Variants in CENPO observed in about 807,000 individuals in gnomAD.
CENPO encodes centromere protein O, also known as centromeric protein O.
CENPO carries 30 observed loss-of-function variants against 36.1 expected under a neutral mutation model. The observed-to-expected ratio is 0.83, with a 90% CI of 0.62 to 1.13. CENPO has a LOEUF of 1.13. Ranked by LOEUF, CENPO falls within the 50% of genes most tolerant of loss-of-function variation. The pLI is 0.00. For synonymous variants in CENPO, 171 were observed against 142.3 expected, an observed-to-expected ratio of 1.20 and a Z score of -1.44; for missense variants, 349 against 357.8, an observed-to-expected ratio of 0.98 and a Z score of 0.20.
chr2:24,811,740 C>T (rs995589488), intron 3 of CENPO, among the ~76,000 whole-genome samples: 50 of 152,144 alleles, frequency 3.3e-4, no homozygotes, highest in African/African-American at 9.9e-4. Flanking sequence ...GGATTACAGG[C>T]GTGAGCCACT....
Position 24,821,047 on chromosome 2 carries a change from A to T in CENPO, c.*1729A>T. The stretch of plus-strand genomic sequence containing the variant: ...GTGTGCTTGTTAGGTGTCAGCCGCC[A>T]CCCCCCCCCCATATGCAGATTTACT... On this transcript the variant is annotated 3_prime_UTR_variant, in exon 8 of 8. Coordinates refer to ENST00000380834, the MANE Select transcript of CENPO (RefSeq NM_001322101.2). 3.8e-6 allele frequency: 2 copies of T among 532,510 alleles called. No homozygotes were observed. The highest frequency in any genetic ancestry group is 6.0e-6 in the Non-Finnish European group (2 of 333,366). 33.0% of individuals were successfully genotyped at this position (532,510 alleles called of 1,614,324 possible).
intron 3 of CENPO, among the ~76,000 whole-genome samples, chr2:24,808,774 T>G (rs1666545214): frequency 6.6e-6 from 1 of 152,208 alleles, no homozygotes. Context: ...TATTAGAACT[T>G]TTGCATCTAA....
chr2:24,820,989 T>C lies in CENPO; in HGVS notation c.*1671T>C, dbSNP rs573117879. 8.0e-5 allele frequency: 101 copies of C among 1,254,670 alleles called. No homozygotes were observed. Among genetic ancestry groups the C allele is most frequent in the Non-Finnish European group, 1.0e-4 (92 of 909,864 alleles). 77.7% of individuals were successfully genotyped at this position (1,254,670 alleles called of 1,614,324 possible). A position where few individuals can be genotyped will look rare whatever the true frequency, so the allele number is the denominator to read the frequency against. On this transcript the variant is annotated 3_prime_UTR_variant, in exon 8 of 8. Coordinates refer to ENST00000380834, the MANE Select transcript of CENPO (RefSeq NM_001322101.2). Reference sequence around the variant, plus strand: ...CCTCATTCAACTTGGCTGTATGCTATTGGAGGGTGGAAATCACATCTCCTG... The same window carrying C: ...CCTCATTCAACTTGGCTGTATGCTACTGGAGGGTGGAAATCACATCTCCTG...
intron 3 of CENPO, among the ~76,000 whole-genome samples, chr2:24,805,911 T>C (rs995726402): frequency 6.6e-5 from 10 of 152,242 alleles, no homozygotes; most frequent in Non-Finnish European, 1.5e-4. Flanking sequence ...TGCTATGCCC[T>C]GCCCCCAGAG....
At chr2:24,817,064 C>T (rs556493636) in intron 6 of CENPO, among the ~76,000 whole-genome samples, 5 of 152,300 alleles carry the variant, frequency 3.3e-5, no homozygotes, top group Non-Finnish European at 2.9e-5. Flanking sequence ...GCAGTGTTCT[C>T]GCAGCCTATG....
intron 3 of CENPO, among the ~76,000 whole-genome samples, chr2:24,809,799 A>G (rs189869599): frequency 6.6e-6 from 1 of 152,192 alleles, no homozygotes; most frequent in African/African-American, 2.4e-5. Context: ...TAAATATTCC[A>G]TGTGCATTAA....
chr2:24,820,231 G>C lies in CENPO; in HGVS notation c.*913G>C. 1 of 1,214,084 alleles carries C rather than the reference G, an allele frequency of 8.2e-7. No homozygotes were observed. Among genetic ancestry groups the C allele is most frequent in the Non-Finnish European group, 1.1e-6 (1 of 904,702 alleles). 75.2% of individuals were successfully genotyped at this position (1,214,084 alleles called of 1,614,324 possible). A position where few individuals can be genotyped will look rare whatever the true frequency, so the allele number is the denominator to read the frequency against. ...GATCCATGGGTCCCAAGCAGTACGGGACACTCCCCAAACCTCCCAGGGCCA... is the reference window on the plus strand; with the variant it reads ...GATCCATGGGTCCCAAGCAGTACGGCACACTCCCCAAACCTCCCAGGGCCA... On this transcript the variant is annotated 3_prime_UTR_variant, in exon 8 of 8. Coordinates refer to ENST00000380834, the MANE Select transcript of CENPO (RefSeq NM_001322101.2).
chr2:24,799,869 G>T, intron 3 of CENPO, 25 bp downstream of exon 3: 1 of 1,610,912 alleles, frequency 6.2e-7, no homozygotes, highest in Non-Finnish European at 8.5e-7. Flanking sequence ...GGTATCAGCA[G>T]TTCCTTTAGA....
chr2:24,794,685 G>A (rs1038527193), intron 2 of CENPO, among the ~76,000 whole-genome samples: 2 of 152,166 alleles, frequency 1.3e-5, no homozygotes, highest in Non-Finnish European at 2.9e-5. Flanking sequence ...TGAGATTTGC[G>A]TTTGAATTTC....
At chr2:24,806,142 C>T (rs1666392387) in intron 3 of CENPO, among the ~76,000 whole-genome samples, 1 of 152,264 alleles carries the variant, frequency 6.6e-6, no homozygotes, top group Non-Finnish European at 1.5e-5. Context: ...ATATAATCTC[C>T]TGGTGTGCCG....
At chr2:24,816,855 C>T in intron 6 of CENPO, 38 bp downstream of exon 6, 1 of 1,537,346 alleles carries the variant, frequency 6.5e-7, no homozygotes. Context: ...TCTCATATCC[C>T]AGTTTATTTG....
intron 3 of CENPO, among the ~76,000 whole-genome samples, chr2:24,805,280 G>A (rs1162655969): frequency 6.6e-6 from 1 of 152,032 alleles, no homozygotes; most frequent in East Asian, 1.9e-4. Flanking sequence ...ACTTCCTCCT[G>A]TAGCTCGGAG....
rs199922853 is a variant in CENPO at position 24,814,514 on chromosome 2, C to T, written c.334+21C>T. On this transcript the variant is annotated intron_variant, in intron 4 of 7. Transcript: ENST00000380834. Reference sequence around the variant, plus strand: ...TACAGGTTTTGTTTGTTTTTTTAACCTAATTTAGTCTGGGTCTGCCTCTAG... The same window carrying T: ...TACAGGTTTTGTTTGTTTTTTTAACTTAATTTAGTCTGGGTCTGCCTCTAG... 25 of 1,127,942 alleles carry T rather than the reference C, an allele frequency of 2.2e-5. 1 individual carries two copies. The South Asian group carries it at 3.1e-4, about 14-fold the overall frequency. The allele number at this position is 1,127,942 out of a possible 1,614,324, so 69.9% of individuals were successfully genotyped here.
intron 2 of CENPO, among the ~76,000 whole-genome samples, chr2:24,795,001 T>A (rs1251973557): frequency 1.3e-5 from 2 of 152,222 alleles, no homozygotes; most frequent in East Asian, 3.8e-4. Flanking sequence ...CTAAGATGAC[T>A]TAAGCTGAGA....
chr2:24,814,352 A>G (rs1176352051), intron 3 of CENPO, 24 bp from the exon 4 acceptor site: 2 of 1,146,584 alleles, frequency 1.7e-6, no homozygotes. Context: ...TTGTACCAAG[A>G]TTGATTTGCT....
Position 24,819,910 on chromosome 2 carries a change from A to G in CENPO, c.*592A>G. ...AAATAAATTCTCCCTTCCGGTTTGG[A>G]CTGTTGCAGGCTCGAGGCCATTCAG... is the stretch of plus-strand genomic sequence containing the variant. On this transcript the variant is annotated 3_prime_UTR_variant, in exon 8 of 8. Coordinates refer to ENST00000380834, the MANE Select transcript of CENPO (RefSeq NM_001322101.2). 4 of 1,609,672 alleles carry G rather than the reference A, an allele frequency of 2.5e-6. No homozygotes were observed. The highest frequency in any genetic ancestry group is 3.4e-6 in the Non-Finnish European group (4 of 1,178,482).
At chr2:24,806,396 A>C (rs1464391767) in intron 3 of CENPO, among the ~76,000 whole-genome samples, 11 of 151,976 alleles carry the variant, frequency 7.2e-5, no homozygotes, top group Admixed American at 7.2e-4. Context: ...TGCGGAAATC[A>C]CCCGTCTTCT....
intron 7 of CENPO, chr2:24,819,153 G>GTT (rs1231978238): frequency 6.6e-6 from 1 of 152,652 alleles, no homozygotes; most frequent in African/African-American, 2.4e-5. Context: ...GATATTAACA[G>GTT]AATTTCCACA....
rs1353300155 is a variant in CENPO at position 24,793,940 on chromosome 2, A to C, written c.21A>C (p.Leu7Phe). Reference protein sequence around the residue: MEQANPLRPDGESKGGV... With the variant: MEQANPFRPDGESKGGV... The stretch of plus-strand genomic sequence containing the variant: ...CTGAGATGGAGCAGGCGAACCCTTT[A>C]CGTCCAGATGGCGAGTCCAAAGGAG... The change falls in exon 2 of 8, where the codon TTA becomes TTC. Residue 7 changes from leucine to phenylalanine, a missense_variant. Coordinates refer to ENST00000380834, the MANE Select transcript of CENPO (RefSeq NM_001322101.2). The C allele has an allele frequency of 2.5e-6, 4 of 1,614,006 alleles. No individual in the cohort carries two copies. Among genetic ancestry groups the C allele is most frequent in the Non-Finnish European group, 3.4e-6 (4 of 1,180,000 alleles).
Sources: allele counts gnomAD v4.1 joint callset (sites outside exome capture counted in the v4.1 genomes callset), GRCh38; gene constraint gnomAD v4.1.1; transcripts MANE v1.5; gene names NCBI Gene and HGNC (gene_info 2026-07-23, HGNC 2026-07-21).